Variants in SEPTIN6 observed in about 807,000 individuals in gnomAD.
The protein encoded by SEPTIN6 is septin 6, also known as septin-6.
A neutral mutation model predicts 33.6 loss-of-function variants in SEPTIN6; 8 were observed. That is an observed-to-expected ratio of 0.24 (90% confidence interval 0.14 to 0.43). The LOEUF (loss-of-function observed/expected upper bound fraction) is 0.43. Ranked by LOEUF, SEPTIN6 falls within the 20% of genes least tolerant of loss-of-function variation. SEPTIN6 has a pLI of 1.00. For synonymous variants in SEPTIN6, 131 were observed against 140.0 expected (o/e 0.94, Z 0.45); for missense variants, 250 against 340.8 (o/e 0.73, Z 2.10).
At chrX:119,632,438 C>T (rs191038154) in intron 8 of SEPTIN6, among the ~76,000 whole-genome samples, 90 of 108,997 alleles carry the variant, frequency 8.3e-4, no homozygotes, top group African/African-American at 2.5e-3. Context: ...CCTTGTGATC[C>T]GCCCGCCTTG....
chrX:119,647,483 C>CTTTTTTT (rs61037430), intron 5 of SEPTIN6, among the ~76,000 whole-genome samples: 39 of 74,371 alleles, frequency 5.2e-4, no homozygotes, highest in African/African-American at 8.6e-4. Context: ...TTCTCTCTCT[C>CTTTTTTT]TTTTTTTTTT....
intron 2 of SEPTIN6, among the ~76,000 whole-genome samples, chrX:119,673,294 T>C (rs888822253): frequency 1.8e-5 from 2 of 110,535 alleles, no homozygotes; most frequent in Non-Finnish European, 3.8e-5. Flanking sequence ...GCCTGGGAGG[T>C]TGAGGCTGCA....
intron 8 of SEPTIN6, among the ~76,000 whole-genome samples, chrX:119,630,644 C>A (rs890808721): frequency 9.0e-6 from 1 of 111,731 alleles, no homozygotes; most frequent in South Asian, 3.7e-4. Flanking sequence ...TCGGCTCAAT[C>A]CCAGCACTTT....
Position 119,663,469 on chromosome X carries a change from C to T in SEPTIN6, c.341+13G>A, listed in dbSNP as rs199549338. On this transcript the variant is annotated intron_variant, in intron 3 of 10. Transcript: ENST00000394610. ...AACCTCCCCACCCTACCCCACCCCA[C>T]CGCCTTCTTTACCTGTCCTCTTTGT... 2.7e-6 allele frequency: 3 copies of T among 1,106,919 alleles called. No individual in the cohort carries two copies. The highest frequency in any genetic ancestry group is 3.7e-6 in the Non-Finnish European group (3 of 812,806). The allele number at this position is 1,106,919 out of a possible 1,213,427, so 91.2% of individuals were successfully genotyped here.
chrX:119,658,076 G>A (rs990115425), intron 3 of SEPTIN6, among the ~76,000 whole-genome samples: 3 of 111,994 alleles, frequency 2.7e-5, no homozygotes, highest in Non-Finnish European at 5.6e-5. Flanking sequence ...GCAGTAAGCC[G>A]AGATAGCGCC....
intron 2 of SEPTIN6, among the ~76,000 whole-genome samples, chrX:119,665,847 C>T (rs902370118): frequency 1.8e-5 from 2 of 110,272 alleles, no homozygotes; most frequent in Non-Finnish European, 1.9e-5. Context: ...TTTGGGAGGC[C>T]GAGGTGGGTG....
At chrX:119,626,852 A>G (rs753919446) in intron 9 of SEPTIN6, among the ~76,000 whole-genome samples, 3 of 110,455 alleles carry the variant, frequency 2.7e-5, no homozygotes, top group Non-Finnish European at 5.7e-5. Flanking sequence ...ATGCCCAGCT[A>G]ATTTTTGTAT....
chrX:119,621,732 T>A (rs1373175005), intron 10 of SEPTIN6, among the ~76,000 whole-genome samples: 1 of 106,104 alleles, frequency 9.4e-6, no homozygotes, highest in Non-Finnish European at 1.9e-5. Context: ...CCTCGGGTGA[T>A]CCTCCTGCCT....
At chrX:119,642,746 CAGA>C (rs1232342712) in intron 5 of SEPTIN6, among the ~76,000 whole-genome samples, 1 of 111,556 alleles carries the variant, frequency 9.0e-6, no homozygotes, top group African/African-American at 3.3e-5. Context: ...TCCTTCAGAG[CAGA>C]AGAACACAGG....
chrX:119,649,857 C>T (rs1162581623), intron 5 of SEPTIN6, 80 bp downstream of exon 5: 1 of 1,037,615 alleles, frequency 9.6e-7, no homozygotes, highest in Non-Finnish European at 1.3e-6. Context: ...GGCAACAGAG[C>T]AAGACCCTGT....
At position 119,693,142 on chromosome X, in the gene SEPTIN6, C is replaced by A. The variant is rs777884877; in HGVS notation, c.-37G>T. 39 of 1,160,770 alleles carry A rather than the reference C, an allele frequency of 3.4e-5. No individual in the cohort carries two copies. Among genetic ancestry groups the A allele is most frequent in the Non-Finnish European group, 3.8e-5 (33 of 867,458 alleles). On this transcript the variant is annotated 5_prime_UTR_variant, in exon 1 of 11. Coordinates refer to ENST00000394610, the MANE Select transcript of SEPTIN6 (RefSeq NM_145799.4). ...CCGCCAGGGCTGCCACGGGTGCCGC[C>A]GCAACGGGAGCTACTGCACAGGAAA...
chrX:119,692,148 C>T (rs1433279123), intron 1 of SEPTIN6, among the ~76,000 whole-genome samples: 2 of 109,794 alleles, frequency 1.8e-5, no homozygotes, highest in African/African-American at 3.3e-5. Context: ...AAAAAAGAGA[C>T]GGCACCGCTT....
At chrX:119,666,588 A>G (rs2054643922) in intron 2 of SEPTIN6, among the ~76,000 whole-genome samples, 2 of 111,300 alleles carry the variant, frequency 1.8e-5, no homozygotes, top group African/African-American at 6.5e-5. Context: ...AGAACATTCA[A>G]TTCAGTCTGG....
intron 7 of SEPTIN6, among the ~76,000 whole-genome samples, chrX:119,636,804 C>T (rs949644929): frequency 9.0e-5 from 10 of 111,080 alleles, no homozygotes; most frequent in Non-Finnish European, 1.5e-4. Flanking sequence ...AAAAGCAAGG[C>T]GGCGGTACTT....
chrX:119,619,760 C>A lies in SEPTIN6; in HGVS notation c.*333G>T. The A allele has an allele frequency of 2.0e-6, 2 of 1,007,199 alleles. No individual in the cohort carries two copies. Among genetic ancestry groups the A allele is most frequent in the South Asian group, 3.2e-5 (1 of 31,019 alleles). The allele number at this position is 1,007,199 out of a possible 1,213,427, so 83.0% of individuals were successfully genotyped here. ...GGTGGGAAAGAGTAGCAGATGGGCC[C>A]CCTGACCATGTCACACCTCTGGCAA... On this transcript the variant is annotated 3_prime_UTR_variant, in exon 11 of 11. Transcript: ENST00000394610.
intron 8 of SEPTIN6, among the ~76,000 whole-genome samples, chrX:119,631,475 T>C (rs957243137): frequency 1.8e-5 from 2 of 111,641 alleles, no homozygotes; most frequent in African/African-American, 3.3e-5. Context: ...CCACCACGCC[T>C]GGCCTAAAGC....
At chrX:119,637,638 CATCCATCCATCTATCT>C (rs1219976924) in intron 6 of SEPTIN6, among the ~76,000 whole-genome samples, 7 of 93,466 alleles carry the variant, frequency 7.5e-5, no homozygotes, top group African/African-American at 2.7e-4. Context: ...TCCATCCACT[CATCCATCCATCTATCT>C]ATCCATCCAT....
chrX:119,674,097 A>G (rs1290431430), intron 2 of SEPTIN6, among the ~76,000 whole-genome samples: 1 of 110,709 alleles, frequency 9.0e-6, no homozygotes, highest in Admixed American at 9.7e-5. Flanking sequence ...ATATGCAGGT[A>G]TGCTTTCCCG....
chrX:119,671,013 T>C (rs1032148231), intron 2 of SEPTIN6, among the ~76,000 whole-genome samples: 1 of 110,635 alleles, frequency 9.0e-6, no homozygotes, highest in Non-Finnish European at 1.9e-5. Context: ...CACACATGCA[T>C]GTAGGATACC....
Sources: gnomAD v4.1 joint callset for allele counts (sites outside exome capture counted in the v4.1 genomes callset) on GRCh38, gnomAD v4.1.1 for gene constraint, MANE v1.5 for transcripts, NCBI Gene and HGNC (gene_info 2026-07-23, HGNC 2026-07-21) for gene names.